ADAD1: variants seen among roughly 807,000 people sequenced by gnomAD.
ADAD1 encodes adenosine deaminase domain containing 1.
In ADAD1, 46 loss-of-function variants were observed where a neutral mutation model predicts 66.8. The observed-to-expected ratio is 0.69, with a 90% CI of 0.54 to 0.88. The LOEUF is 0.88. Ranked by LOEUF, ADAD1 falls within the 40% of genes least tolerant of loss-of-function variation. The probability of loss-of-function intolerance (pLI) is 0.00; values close to 1 mark genes in which losing one functional copy is unlikely to be tolerated. For missense variants in ADAD1, 617 were observed against 681.8 expected, an observed-to-expected ratio of 0.91 and a Z score of 1.06; for synonymous variants, 248 against 229.4, an observed-to-expected ratio of 1.08 and a Z score of -0.73.
intron 7 of ADAD1, among the ~76,000 whole-genome samples, chr4:122,400,682 T>C (rs76153882): frequency 0.015 from 2,323 of 152,212 alleles, 62 homozygotes; most frequent in African/African-American, 0.052. Context: ...CTCTGACTGC[T>C]TGTTATTGGT....
At chr4:122,394,767 C>T (rs1795617360) in intron 6 of ADAD1, among the ~76,000 whole-genome samples, 1 of 152,094 alleles carries the variant, frequency 6.6e-6, no homozygotes, top group Admixed American at 6.5e-5. Context: ...AATCCTAAGT[C>T]AAGGATGGCA....
intron 7 of ADAD1, 72 bp downstream of exon 7, chr4:122,396,449 C>A: frequency 7.8e-7 from 1 of 1,285,302 alleles, no homozygotes; most frequent in Non-Finnish European, 1.0e-6. Context: ...ACTATCTTTG[C>A]CCCTGTACAC....
At chr4:122,416,065 A>G (rs2150589653) in intron 11 of ADAD1, among the ~76,000 whole-genome samples, 1 of 152,286 alleles carries the variant, frequency 6.6e-6, no homozygotes, top group East Asian at 1.9e-4. Context: ...CTTACGTGTA[A>G]GAACTATGGT....
intron 7 of ADAD1, among the ~76,000 whole-genome samples, chr4:122,402,275 A>G (rs1017434290): frequency 2.5e-4 from 38 of 152,152 alleles, no homozygotes; most frequent in African/African-American, 8.7e-4. Flanking sequence ...TGCTAGATAC[A>G]ATATTCTTGG....
chr4:122,425,360 T>G (rs1344440819), intron 12 of ADAD1, among the ~76,000 whole-genome samples: 1 of 152,036 alleles, frequency 6.6e-6, no homozygotes, highest in African/African-American at 2.4e-5. Flanking sequence ...GGAATTAAAT[T>G]AGAAATCAAG....
chr4:122,397,665 C>T (rs1332941222), intron 7 of ADAD1, among the ~76,000 whole-genome samples: 2 of 151,694 alleles, frequency 1.3e-5, no homozygotes, highest in Admixed American at 1.3e-4. Context: ...TTGAGGTGGA[C>T]ATAAATGGGA....
chr4:122,408,720 A>G (rs571858097), intron 8 of ADAD1, among the ~76,000 whole-genome samples: 8 of 152,132 alleles, frequency 5.3e-5, no homozygotes, highest in Non-Finnish European at 1.2e-4. Flanking sequence ...CCTAGTTTCT[A>G]CAAAAAAATA....
At chr4:122,393,948 G>A (rs1018754625) in intron 6 of ADAD1, among the ~76,000 whole-genome samples, 3 of 152,066 alleles carry the variant, frequency 2.0e-5, no homozygotes, top group South Asian at 2.1e-4. Context: ...TGTCATGAAC[G>A]AAAACCAATG....
intron 2 of ADAD1, chr4:122,379,801 C>T: frequency 2.8e-6 from 1 of 351,454 alleles, no homozygotes; most frequent in South Asian, 7.0e-5. Context: ...GTTTTAAGGT[C>T]TTTTACAGGG....
chr4:122,396,769 T>C (rs1332002974), intron 7 of ADAD1, among the ~76,000 whole-genome samples: 13 of 152,228 alleles, frequency 8.5e-5, no homozygotes, highest in Admixed American at 8.5e-4. Flanking sequence ...AACGCTTTAA[T>C]GTTCTGAGTT....
intron 5 of ADAD1, among the ~76,000 whole-genome samples, chr4:122,387,001 A>T (rs931256732): frequency 2.0e-5 from 3 of 152,016 alleles, no homozygotes; most frequent in African/African-American, 4.8e-5. Flanking sequence ...TTTGCTTAGG[A>T]TTGTCTTGGC....
At chr4:122,393,564 CCTT>C (rs1290661899) in intron 5 of ADAD1, 22 bp from the exon 6 acceptor site, 3 of 1,553,534 alleles carry the variant, frequency 1.9e-6, no homozygotes, top group Non-Finnish European at 2.6e-6. Flanking sequence ...TTTCATGTTT[CCTT>C]ATGTTTTTGT....
chr4:122,420,075 T>G (rs1227778578), intron 11 of ADAD1, among the ~76,000 whole-genome samples: 1 of 152,170 alleles, frequency 6.6e-6, no homozygotes, highest in Non-Finnish European at 1.5e-5. Context: ...AAGAAGGAGC[T>G]ACAATTATCA....
intron 12 of ADAD1, among the ~76,000 whole-genome samples, chr4:122,423,005 C>T (rs900699740): frequency 2.2e-5 from 3 of 138,550 alleles, no homozygotes; most frequent in Admixed American, 1.4e-4. Flanking sequence ...GAAGGAAAAA[C>T]TGCTATTACT....
intron 5 of ADAD1, among the ~76,000 whole-genome samples, chr4:122,393,036 ATTT>A (rs34759757): frequency 9.7e-5 from 12 of 123,104 alleles, no homozygotes; most frequent in Admixed American, 1.7e-4. Flanking sequence ...AATTTTCCTG[ATTT>A]TTTTTTTTTT....
intron 12 of ADAD1, among the ~76,000 whole-genome samples, chr4:122,425,106 A>G (rs1560609392): frequency 6.6e-6 from 1 of 152,146 alleles, no homozygotes; most frequent in Admixed American, 6.5e-5. Flanking sequence ...CAGCAACTGT[A>G]GTTGGTTTTA....
chr4:122,417,756 C>T (rs1003390550), intron 11 of ADAD1, among the ~76,000 whole-genome samples: 4 of 152,100 alleles, frequency 2.6e-5, no homozygotes, highest in African/African-American at 4.8e-5. Flanking sequence ...GTGTGTTAAA[C>T]GACAAAGAAA....
chr4:122,411,252 C>T lies in ADAD1; in HGVS notation c.879C>T (p.Tyr293=), dbSNP rs759340721. The change falls in exon 9 of 13, where the codon TAC becomes TAT. Residue 293 remains tyrosine (Y), a synonymous_variant. Transcript: ENST00000296513. ...RYFYRQLLLF[Y]SKNPAMMEKS... Reference sequence around the variant, plus strand: ...TTTATAGACAACTTCTGCTCTTCTACAGCAAAAATCCTGCTATGATGGAAA... The same window carrying T: ...TTTATAGACAACTTCTGCTCTTCTATAGCAAAAATCCTGCTATGATGGAAA... 7 of 1,607,180 alleles carry T rather than the reference C, an allele frequency of 4.4e-6. No homozygotes were observed. The highest frequency in any genetic ancestry group is 2.2e-5 in the East Asian group (1 of 44,756).
intron 12 of ADAD1, among the ~76,000 whole-genome samples, chr4:122,428,790 A>G (rs1797376601): frequency 6.6e-6 from 1 of 152,160 alleles, no homozygotes; most frequent in South Asian, 2.1e-4. Flanking sequence ...GGAACTTTTT[A>G]GAGGTGAGGG....
Sources: allele counts gnomAD v4.1 joint callset (sites outside exome capture counted in the v4.1 genomes callset), GRCh38; gene constraint gnomAD v4.1.1; transcripts MANE v1.5; gene names NCBI Gene and HGNC (gene_info 2026-07-23, HGNC 2026-07-21).